Variants in OPCML observed in about 807,000 individuals in gnomAD.
OPCML encodes the protein opioid-binding protein/cell adhesion molecule.
A neutral mutation model predicts 37.8 loss-of-function variants in OPCML; 13 were observed. The observed-to-expected ratio is 0.34, with a 90% CI of 0.22 to 0.55. The LOEUF is 0.55. Ranked by LOEUF, OPCML falls within the 20% of genes least tolerant of loss-of-function variation. The probability of loss-of-function intolerance (pLI) is 0.91; values close to 1 mark genes in which losing one functional copy is unlikely to be tolerated. For synonymous variants in OPCML, 176 were observed against 168.8 expected, an observed-to-expected ratio of 1.04 and a Z score of -0.33; for missense variants, 341 against 435.6, an observed-to-expected ratio of 0.78 and a Z score of 1.93.
chr11:132,472,229 A>G lies in OPCML; in HGVS notation c.506-34870T>C, dbSNP rs956050447. Among the ~76,000 whole-genome samples, 12 of 152,226 alleles carry G rather than the reference A, an allele frequency of 7.9e-5. No individual in the cohort carries two copies. In the South Asian group the frequency reaches 8.3e-4, roughly 11 times the overall value. On this transcript the variant is annotated intron_variant, in intron 4 of 7. Transcript: ENST00000524381. ...GTTTTTGTTTGGAGTTCTAGCTTCCATTATTAGACTCTAAGACCTTTGAAG... is the reference window on the plus strand; with the variant it reads ...GTTTTTGTTTGGAGTTCTAGCTTCCGTTATTAGACTCTAAGACCTTTGAAG...
chr11:133,383,531 A>T (rs1944976555), intron 1 of OPCML, among the ~76,000 whole-genome samples: 3 of 152,148 alleles, frequency 2.0e-5, no homozygotes, highest in Admixed American at 2.0e-4. Context: ...GGACTGCCAC[A>T]TACTTCTCTG....
chr11:132,978,421 GC>G (rs1489791126), intron 1 of OPCML, among the ~76,000 whole-genome samples: 1 of 152,160 alleles, frequency 6.6e-6, no homozygotes, highest in Non-Finnish European at 1.5e-5. Flanking sequence ...CCGCTGAAAA[GC>G]CTTAAAATGA....
intron 1 of OPCML, among the ~76,000 whole-genome samples, chr11:133,465,305 C>A (rs1946950690): frequency 6.6e-6 from 1 of 152,152 alleles, no homozygotes; most frequent in African/African-American, 2.4e-5. Context: ...CTTGTGCATA[C>A]CCAAGCGATC....
chr11:132,671,817 A>G (rs1942487980), intron 2 of OPCML, among the ~76,000 whole-genome samples: 1 of 152,128 alleles, frequency 6.6e-6, no homozygotes, highest in South Asian at 2.1e-4. Context: ...AAAGAAAGAG[A>G]AGGAGAGAGA....
chr11:133,494,156 CA>C (rs1403170992), intron 1 of OPCML, among the ~76,000 whole-genome samples: 1 of 152,134 alleles, frequency 6.6e-6, no homozygotes, highest in Non-Finnish European at 1.5e-5. Context: ...AAATGCAAAT[CA>C]AAACCACAAT....
chr11:133,090,132 C>T lies in OPCML; in HGVS notation c.62-147122G>A, dbSNP rs114556987. On this transcript the variant is annotated intron_variant, in intron 1 of 7. Coordinates refer to ENST00000524381, the MANE Select transcript of OPCML (RefSeq NM_001012393.5). ...CTGCTGAGCCCATTTATGGAGCATC[C>T]TCTCCGCCCTTACTACTTAGACATG... Among the ~76,000 whole-genome samples, 534 of 152,270 alleles carry T rather than the reference C, an allele frequency of 3.5e-3. 1 individual carries two copies. Among genetic ancestry groups the T allele is most frequent in the African/African-American group, 0.012 (513 of 41,568 alleles).
At chr11:133,459,834 G>A (rs947012574) in intron 1 of OPCML, among the ~76,000 whole-genome samples, 6 of 152,024 alleles carry the variant, frequency 3.9e-5, no homozygotes, top group Admixed American at 2.0e-4. Context: ...GATCAAATAC[G>A]AATACAGAGA....
At chr11:133,277,795 A>G (rs1253449935) in intron 1 of OPCML, among the ~76,000 whole-genome samples, 1 of 152,042 alleles carries the variant, frequency 6.6e-6, no homozygotes, top group Non-Finnish European at 1.5e-5. Flanking sequence ...TATAATATAC[A>G]TATAATGTAT....
intron 4 of OPCML, among the ~76,000 whole-genome samples, chr11:132,469,661 G>A (rs1387401184): frequency 7.4e-6 from 1 of 134,346 alleles, no homozygotes; most frequent in Non-Finnish European, 1.6e-5. Flanking sequence ...TATGTGTGTG[G>A]GGGTGTATGT....
At chr11:133,170,197 C>T (rs951407881) in intron 1 of OPCML, among the ~76,000 whole-genome samples, 1 of 152,232 alleles carries the variant, frequency 6.6e-6, no homozygotes, top group African/African-American at 2.4e-5. Context: ...AGCCAGGCAA[C>T]TGGGCACGGT....
chr11:133,217,850 C>T (rs1939650495), intron 1 of OPCML, among the ~76,000 whole-genome samples: 1 of 152,116 alleles, frequency 6.6e-6, no homozygotes, highest in South Asian at 2.1e-4. Context: ...CCCAGGGCAG[C>T]CTGGGCAGCA....
chr11:132,533,468 G>A (rs2096332004), intron 3 of OPCML, among the ~76,000 whole-genome samples: 1 of 152,154 alleles, frequency 6.6e-6, no homozygotes, highest in African/African-American at 2.4e-5. Context: ...TAGACGGATA[G>A]ACAAATAGAT....
chr11:133,035,833 C>T (rs980716802), intron 1 of OPCML, among the ~76,000 whole-genome samples: 1 of 152,058 alleles, frequency 6.6e-6, no homozygotes, highest in Non-Finnish European at 1.5e-5. Flanking sequence ...TAAATGGGAA[C>T]CTTGAGGCTG....
At chr11:133,494,435 G>A (rs1328988957) in intron 1 of OPCML, among the ~76,000 whole-genome samples, 11 of 151,506 alleles carry the variant, frequency 7.3e-5, no homozygotes, top group South Asian at 2.1e-4. Context: ...TGTTTATTGC[G>A]GCACTATTCA....
intron 2 of OPCML, among the ~76,000 whole-genome samples, chr11:132,685,105 T>C (rs1191670979): frequency 1.3e-5 from 2 of 152,238 alleles, no homozygotes; most frequent in East Asian, 1.9e-4. Context: ...AACTTTTAAA[T>C]GGCTATCTTT....
chr11:133,180,653 G>T (rs935465145), intron 1 of OPCML, among the ~76,000 whole-genome samples: 6 of 152,040 alleles, frequency 3.9e-5, no homozygotes, highest in Non-Finnish European at 8.8e-5. Context: ...TGGTTGGGAG[G>T]AGGGGCTGTG....
intron 2 of OPCML, among the ~76,000 whole-genome samples, chr11:132,723,712 C>T (rs1944764404): frequency 6.6e-6 from 1 of 152,220 alleles, no homozygotes; most frequent in African/African-American, 2.4e-5. Flanking sequence ...GGCCTATGCC[C>T]TCCAGGCACT....
intron 1 of OPCML, among the ~76,000 whole-genome samples, chr11:133,411,343 T>C (rs1461727946): frequency 1.3e-5 from 2 of 152,162 alleles, no homozygotes. Flanking sequence ...TGGAGCAATA[T>C]TCACACCCAC....
chr11:133,048,029 T>C (rs1338277393), intron 1 of OPCML, among the ~76,000 whole-genome samples: 15 of 152,068 alleles, frequency 9.9e-5, no homozygotes, highest in Admixed American at 9.8e-4. Flanking sequence ...GCCCACTGCC[T>C]TCCTGCCCCA....
Sources: gnomAD v4.1 joint callset for allele counts (sites outside exome capture counted in the v4.1 genomes callset) on GRCh38, gnomAD v4.1.1 for gene constraint, MANE v1.5 for transcripts, NCBI Gene and HGNC (gene_info 2026-07-23, HGNC 2026-07-21) for gene names.